The following CYFIP1 variants were observed in gnomAD, a reference collection of about 807,000 sequenced individuals.
The protein encoded by CYFIP1 is cytoplasmic FMR1-interacting protein 1.
CYFIP1 carries 58 observed loss-of-function variants against 163.5 expected under a neutral mutation model. The ratio of observed to expected loss-of-function variants is 0.35; its 90% CI spans 0.29 to 0.44. The LOEUF (loss-of-function observed/expected upper bound fraction) is 0.44, where lower values mean the gene tolerates loss of function less well. CYFIP1 is among the 20% of genes least tolerant of loss of function. The pLI, the probability that CYFIP1 is intolerant of heterozygous loss-of-function variation, is 1.00. For synonymous variants in CYFIP1, 663 were observed against 660.7 expected (o/e 1.00, Z -0.05); for missense variants, 1,338 against 1,653.8 (o/e 0.81, Z 3.31).
chr15:22,872,139 A>C (rs576502733), intron 30 of CYFIP1, among the ~76,000 whole-genome samples: 1 of 151,956 alleles, frequency 6.6e-6, no homozygotes, highest in East Asian at 1.9e-4. Flanking sequence ...ATTACAAAAT[A>C]CAAAAATCAG....
intron 17 of CYFIP1, among the ~76,000 whole-genome samples, chr15:22,913,947 G>A (rs150390253): frequency 2.8e-4 from 42 of 152,324 alleles, no homozygotes; most frequent in Middle Eastern, 3.4e-3. Context: ...GAACTCAGGG[G>A]CTTCCCACTC....
chr15:22,892,622 C>G lies in CYFIP1; in HGVS notation c.2676+268G>C, dbSNP rs148790475. ...GTTTGTGCTGGGAAAGAGACCAGGC[C>G]CAGCCTGACACCTATCACAAGGCCA... On this transcript the variant is annotated intron_variant, in intron 23 of 30. Coordinates refer to ENST00000617928, the MANE Select transcript of CYFIP1 (RefSeq NM_014608.6). Among the ~76,000 whole-genome samples, 478 of 152,284 alleles carry G rather than the reference C, an allele frequency of 3.1e-3. 4 individuals carry two copies. Among genetic ancestry groups the G allele is most frequent in the African/African-American group, 0.011 (465 of 41,550 alleles).
intron 30 of CYFIP1, 102 bp downstream of exon 30, chr15:22,872,723 G>A (rs903743956): frequency 2.3e-5 from 28 of 1,232,834 alleles, no homozygotes; most frequent in East Asian, 9.5e-5. Context: ...GGCACCTTAC[G>A]TACTAGGATG....
rs781739018 is a variant in CYFIP1, at chr15:22,881,955, G to A, written c.2821-19C>T. The A allele has an allele frequency of 8.1e-6, 13 of 1,606,234 alleles. No homozygotes were observed. The East Asian group carries it at 8.9e-5, about 11-fold the overall frequency. On this transcript the variant is annotated intron_variant, in intron 24 of 30. Transcript: ENST00000617928. Reference sequence around the variant, plus strand: ...CTTGCAGCTGCCGGGGAGATGAGACGGGCTGCGTCAGCCACCCCACTCCGC... The same window carrying A: ...CTTGCAGCTGCCGGGGAGATGAGACAGGCTGCGTCAGCCACCCCACTCCGC...
chr15:22,894,275 T>C (rs1595534774), intron 22 of CYFIP1, among the ~76,000 whole-genome samples: 1 of 144,200 alleles, frequency 6.9e-6, no homozygotes, highest in East Asian at 2.0e-4. Context: ...ACAGCAGACT[T>C]TTCTTTTTTT....
chr15:22,918,464 G>A (rs866457980), intron 14 of CYFIP1, among the ~76,000 whole-genome samples: 10 of 152,140 alleles, frequency 6.6e-5, no homozygotes, highest in South Asian at 2.1e-4. Context: ...ACCTTGTCCC[G>A]GGGTCCTCAG....
chr15:22,872,929 T>C lies in CYFIP1; in HGVS notation c.3493A>G (p.Ile1165Val), dbSNP rs1221157977. 1.2e-6 allele frequency: 2 copies of C among 1,613,970 alleles called. No homozygotes were observed. The highest frequency in any genetic ancestry group is 2.2e-5 in the East Asian group (1 of 44,896). ...CGCCGCTGCTGCCCAAGAAGTACGA[T>C]GATCATACAGCCAGCCCAGTGTAGC... Reference protein sequence around the residue: ...DGLHWAGCMIIVLLGQQRRFA... With the variant: ...DGLHWAGCMIVVLLGQQRRFA... Residue 1165 changes from isoleucine (I) to valine (V), a missense_variant, in exon 30 of 31, where the codon ATC (isoleucine) becomes GTC (valine). Physicochemically the swap from Ile to Val is conservative, Grantham distance 29. Around this residue, in one of 4 missense-constraint regions of CYFIP1, gnomAD observed 306 missense variants for 322.1 expected, o/e 0.95. Coordinates refer to ENST00000617928, the MANE Select transcript of CYFIP1 (RefSeq NM_014608.6).
intron 26 of CYFIP1, among the ~76,000 whole-genome samples, chr15:22,876,907 G>A (rs1271517395): frequency 6.6e-6 from 1 of 151,988 alleles, no homozygotes; most frequent in Admixed American, 6.6e-5. Flanking sequence ...CTGGACAGAA[G>A]AGAAACCAGC....
intron 1 of CYFIP1, among the ~76,000 whole-genome samples, chr15:22,953,430 G>A (rs1029527944): frequency 2.0e-5 from 3 of 152,104 alleles, no homozygotes; most frequent in African/African-American, 4.8e-5. Flanking sequence ...GACTCCAGCC[G>A]CCTGCACCCT....
chr15:22,914,311 A>G (rs947165035), intron 17 of CYFIP1, among the ~76,000 whole-genome samples: 1 of 152,152 alleles, frequency 6.6e-6, no homozygotes, highest in Non-Finnish European at 1.5e-5. Context: ...ACCCATGCAA[A>G]GTAGGAACGT....
At chr15:22,890,984 G>T (rs1250095461) in intron 23 of CYFIP1, among the ~76,000 whole-genome samples, 1 of 152,162 alleles carries the variant, frequency 6.6e-6, no homozygotes, top group Non-Finnish European at 1.5e-5. Flanking sequence ...CCCCAAGGCA[G>T]GCAATGCCAC....
intron 8 of CYFIP1, among the ~76,000 whole-genome samples, chr15:22,937,605 T>G (rs535425410): frequency 1.4e-5 from 2 of 143,836 alleles, no homozygotes; most frequent in African/African-American, 5.1e-5. Flanking sequence ...TCTTTTTTTG[T>G]TTTTTTTTTT....
At chr15:22,976,222 A>T (rs1279602889) in intron 1 of CYFIP1, among the ~76,000 whole-genome samples, 1 of 151,352 alleles carries the variant, frequency 6.6e-6, no homozygotes, top group Non-Finnish European at 1.5e-5. Context: ...CAGTGGCGCG[A>T]TCTCGGCTCA....
chr15:22,882,104 C>T (rs901083919), intron 24 of CYFIP1, among the ~76,000 whole-genome samples, 168 bp from the exon 25 acceptor site: 5 of 152,214 alleles, frequency 3.3e-5, no homozygotes, highest in African/African-American at 9.7e-5. Flanking sequence ...AGAGAGCAAC[C>T]ATCACCAGGT....
In CYFIP1 at chr15:22,916,515, C is replaced by T. The variant is rs770473484; in HGVS notation, c.1790G>A (p.Arg597Gln). The change falls in exon 16 of 31, where the codon CGA becomes CAA. Residue 597 changes from arginine (R) to glutamine (Q), a missense_variant. Coordinates refer to ENST00000617928, the MANE Select transcript of CYFIP1 (RefSeq NM_014608.6). ...PTILDIEKFH[R>Q]ESFFYTHLIN... Reference sequence around the variant, plus strand: ...CAAGTGAGTGTAGAAGAATGACTCTCGATGAAATTTTTCTATGTCCAATAT... The same window carrying T: ...CAAGTGAGTGTAGAAGAATGACTCTTGATGAAATTTTTCTATGTCCAATAT... The T allele has an allele frequency of 1.2e-5, 20 of 1,613,558 alleles. No homozygotes were observed. Among genetic ancestry groups the T allele is most frequent in the African/African-American group, 5.3e-5 (4 of 74,824 alleles).
intron 23 of CYFIP1, among the ~76,000 whole-genome samples, chr15:22,886,983 C>T (rs566165001): frequency 3.9e-4 from 60 of 152,272 alleles, no homozygotes; most frequent in Non-Finnish European, 3.8e-4. Flanking sequence ...AAACATCTAG[C>T]ATTGCTATGT....
intron 3 of CYFIP1, 140 bp downstream of exon 3, chr15:22,946,863 T>G: frequency 1.3e-6 from 1 of 783,026 alleles, no homozygotes; most frequent in East Asian, 2.7e-5. Context: ...AAGACTGTCT[T>G]AAAAATATAA....
intron 17 of CYFIP1, 192 bp from the exon 18 acceptor site, chr15:22,912,467 G>C: frequency 4.0e-6 from 2 of 505,140 alleles, no homozygotes; most frequent in Admixed American, 3.9e-5. Flanking sequence ...ACACCCACCA[G>C]GCTGCGAGGA....
At chr15:22,897,177 C>T (rs908696760) in intron 22 of CYFIP1, among the ~76,000 whole-genome samples, 2 of 152,146 alleles carry the variant, frequency 1.3e-5, no homozygotes, top group Non-Finnish European at 2.9e-5. Context: ...CACACTGTTA[C>T]ACTCTAGCCT....
Sources: allele counts gnomAD v4.1 joint callset (sites outside exome capture counted in the v4.1 genomes callset), GRCh38; gene constraint gnomAD v4.1.1; regional missense constraint gnomAD v4.1.1; transcripts MANE v1.5; gene names NCBI Gene and HGNC (gene_info 2026-07-23, HGNC 2026-07-21).